ANXA7: variants seen among roughly 807,000 people sequenced by gnomAD.
The protein encoded by ANXA7 is annexin A7.
ANXA7 carries 55 observed loss-of-function variants against 64.9 expected under a neutral mutation model. That is an observed-to-expected ratio of 0.85 (90% CI 0.68 to 1.06). The LOEUF (loss-of-function observed/expected upper bound fraction) is 1.06, where lower values mean the gene tolerates loss of function less well. Ranked by LOEUF, ANXA7 falls within the 50% of genes least tolerant of loss-of-function variation. The pLI is 0.00. For synonymous variants in ANXA7, 200 were observed against 192.4 expected, an observed-to-expected ratio of 1.04 and a Z score of -0.33; for missense variants, 548 against 582.1, an observed-to-expected ratio of 0.94 and a Z score of 0.60.
chr10:73,383,850 G>A (rs60778687), intron 7 of ANXA7, among the ~76,000 whole-genome samples, 160 bp from the exon 8 acceptor site: 6,857 of 152,198 alleles, frequency 0.045, 467 homozygotes, highest in African/African-American at 0.15. Flanking sequence ...GGCCAGGCGC[G>A]GTGGCTCATG....
chr10:73,376,325 A>G lies in ANXA7; in HGVS notation c.1279-108T>C, dbSNP rs12573329. The stretch of plus-strand genomic sequence containing the variant: ...TAATAATAATCAAAACTTGGGGGGG[A>G]AAACACCAAGTGACTGACATTTTAT... On this transcript the variant is annotated intron_variant, in intron 12 of 12. Coordinates refer to ENST00000372921, the MANE Select transcript of ANXA7 (RefSeq NM_001156.5). 1,162 of 1,074,766 alleles carry G rather than the reference A, an allele frequency of 1.1e-3. 4 individuals are homozygous for G. The East Asian group carries it at 0.016, about 15-fold the overall frequency. The allele number at this position is 1,074,766 out of a possible 1,614,324, so 66.6% of individuals were successfully genotyped here.
chr10:73,395,958 T>C (rs989171718), intron 5 of ANXA7: 77 of 845,310 alleles, frequency 9.1e-5, no homozygotes, highest in South Asian at 8.6e-4. Flanking sequence ...CCTTAAGAAG[T>C]AGTGAGAGAC....
Position 73,383,270 on chromosome 10 carries a change from T to G in ANXA7, c.823A>C (p.Arg275=). Residue 275 remains arginine, a synonymous_variant, in exon 9 of 13, where the codon AGA becomes CGA. Coordinates refer to ENST00000372921, the MANE Select transcript of ANXA7 (RefSeq NM_001156.5). Reference sequence around the variant, plus strand: ...CGTCCAAATTCTGACTGATAACATCTGACAATTTCTCGGATTTCCTGATTT... The same window carrying G: ...CGTCCAAATTCTGACTGATAACATCGGACAATTTCTCGGATTTCCTGATTT... ...RTNQEIREIV[R]CYQSEFGRDL... 1 of 1,614,174 alleles carries G rather than the reference T, an allele frequency of 6.2e-7. No individual in the cohort carries two copies. Among genetic ancestry groups the G allele is most frequent in the Non-Finnish European group, 8.5e-7 (1 of 1,180,014 alleles).
At position 73,393,941 on chromosome 10, in the gene ANXA7, C is replaced by A. The variant is rs1476544416; in HGVS notation, c.435+2578G>T. Among the ~76,000 whole-genome samples the A allele has an allele frequency of 3.3e-5, 5 of 152,174 alleles. No homozygotes were observed. The East Asian group carries it at 9.6e-4, about 29-fold the overall frequency. The stretch of plus-strand genomic sequence containing the variant: ...ACAGGCAACCTACAGAATGGGAGAA[C>A]ATTTTTGCAATCTACCCATCTGACA... On this transcript the variant is annotated intron_variant, in intron 5 of 12. Transcript: ENST00000372921.
intron 7 of ANXA7, among the ~76,000 whole-genome samples, chr10:73,384,481 A>G (rs1391393178): frequency 3.3e-5 from 5 of 149,466 alleles, no homozygotes; most frequent in Non-Finnish European, 6.0e-5. Flanking sequence ...GGCTAACTGC[A>G]ACCTCTGCCT....
intron 1 of ANXA7, among the ~76,000 whole-genome samples, chr10:73,402,826 T>C (rs960696568): frequency 2.1e-5 from 3 of 146,282 alleles, no homozygotes; most frequent in Non-Finnish European, 4.4e-5. Context: ...AAAAACTCTG[T>C]TTCTTTTTTT....
intron 5 of ANXA7, among the ~76,000 whole-genome samples, chr10:73,391,122 C>A (rs1293764018): frequency 6.7e-6 from 1 of 148,472 alleles, no homozygotes; most frequent in Non-Finnish European, 1.5e-5. Flanking sequence ...GACCCCAGAT[C>A]GCGCCACTGC....
chr10:73,406,203 G>A (rs1219628697), intron 1 of ANXA7, among the ~76,000 whole-genome samples: 4 of 152,104 alleles, frequency 2.6e-5, no homozygotes, highest in Admixed American at 6.5e-5. Context: ...TGATCTGGCC[G>A]CCTCGGCCTC....
intron 5 of ANXA7, among the ~76,000 whole-genome samples, chr10:73,392,556 T>C (rs573577535): frequency 2.6e-5 from 4 of 152,202 alleles, no homozygotes; most frequent in African/African-American, 7.2e-5. Context: ...CATATGCAAA[T>C]CAGTAAATGT....
At chr10:73,398,439 A>C (rs2055611622) in intron 2 of ANXA7, 54 bp from the exon 3 acceptor site, 1 of 1,478,044 alleles carries the variant, frequency 6.8e-7, no homozygotes, top group African/African-American at 1.4e-5. Flanking sequence ...AATATGACCC[A>C]TCTAAAAATA....
intron 1 of ANXA7, among the ~76,000 whole-genome samples, chr10:73,405,409 G>C (rs898947451): frequency 6.6e-6 from 1 of 151,624 alleles, no homozygotes; most frequent in Non-Finnish European, 1.5e-5. Context: ...AGGCGTGGTG[G>C]CATGTGCCTG....
intron 6 of ANXA7, 124 bp downstream of exon 6, chr10:73,388,188 G>GA: frequency 2.9e-6 from 2 of 690,224 alleles, no homozygotes; most frequent in East Asian, 5.5e-5. Context: ...CTAGACATCA[G>GA]ATTAAATCCA....
chr10:73,394,342 C>T (rs1207815308), intron 5 of ANXA7, among the ~76,000 whole-genome samples: 2 of 152,102 alleles, frequency 1.3e-5, no homozygotes, highest in Non-Finnish European at 2.9e-5. Context: ...ACCATTTGAC[C>T]CAGCCATCCC....
rs569636175 is a variant in ANXA7 at position 73,393,010 on chromosome 10, G to A, written c.435+3509C>T. On this transcript the variant is annotated intron_variant, in intron 5 of 12. Transcript: ENST00000372921. ...ATAAGCAACTTCAGCAAAGTCTCAG[G>A]ATACAAAATCAATGTGCAAAAATCA... Among the ~76,000 whole-genome samples, 1,273 of 152,192 alleles carry A rather than the reference G, an allele frequency of 8.4e-3. 11 individuals are homozygous for A. Among genetic ancestry groups the A allele is most frequent in the Non-Finnish European group, 0.012 (847 of 67,998 alleles).
rs576743486 is a variant in ANXA7, at chr10:73,399,638, T to C, written c.54+1165A>G. On this transcript the variant is annotated intron_variant, in intron 2 of 12. Coordinates refer to ENST00000372921, the MANE Select transcript of ANXA7 (RefSeq NM_001156.5). ...GAGATTGAGGCCATCCTGGCCAACA[T>C]TGTGAAACCCCATCTCTACTAAAAA... 1.7e-3 allele frequency among the ~76,000 whole-genome samples: 257 copies of C among 151,222 alleles called. 1 individual carries two copies. The highest frequency in any genetic ancestry group is 6.0e-3 in the African/African-American group (247 of 41,152).
At chr10:73,392,907 A>G (rs1294771769) in intron 5 of ANXA7, among the ~76,000 whole-genome samples, 2 of 152,226 alleles carry the variant, frequency 1.3e-5, no homozygotes, top group African/African-American at 4.8e-5. Flanking sequence ...AGAGGAAGTC[A>G]AATTGTTCCT....
At chr10:73,406,742 T>C (rs558282559) in intron 1 of ANXA7, among the ~76,000 whole-genome samples, 3 of 152,142 alleles carry the variant, frequency 2.0e-5, no homozygotes, top group African/African-American at 7.2e-5. Context: ...GCTAATTTTT[T>C]GTATTTTTAG....
chr10:73,377,240 G>T (rs181159358), intron 12 of ANXA7, among the ~76,000 whole-genome samples: 2 of 152,150 alleles, frequency 1.3e-5, no homozygotes, highest in African/African-American at 4.8e-5. Context: ...TATTCTGGTT[G>T]TTTTCTTTAA....
intron 1 of ANXA7, among the ~76,000 whole-genome samples, chr10:73,407,747 A>G (rs886910830): frequency 1.3e-5 from 2 of 152,226 alleles, no homozygotes; most frequent in Non-Finnish European, 2.9e-5. Context: ...AGTACACAGT[A>G]TAGGAAAATG....
Sources: allele counts gnomAD v4.1 joint callset (sites outside exome capture counted in the v4.1 genomes callset), GRCh38; gene constraint gnomAD v4.1.1; transcripts MANE v1.5; gene names NCBI Gene and HGNC (gene_info 2026-07-23, HGNC 2026-07-21).